ANKRD30A: variants seen among roughly 807,000 people sequenced by gnomAD.
ANKRD30A encodes the protein ankyrin repeat domain-containing protein 30A.
A neutral mutation model predicts 166.3 loss-of-function variants in ANKRD30A; 170 were observed. The observed-to-expected ratio is 1.02, with a 90% CI of 0.90 to 1.16. The LOEUF is 1.16. Among genes scored for constraint, ANKRD30A ranks in the 50% most tolerant of loss-of-function variants. The pLI is 0.00. For missense variants in ANKRD30A, 1,630 were observed against 1,518.0 expected (o/e 1.07, Z -1.23); for synonymous variants, 564 against 508.9 (o/e 1.11, Z -1.46).
chr10:37,214,714 A>G (rs1401136561), intron 31 of ANKRD30A, among the ~76,000 whole-genome samples: 6 of 151,246 alleles, frequency 4.0e-5, no homozygotes, highest in African/African-American at 1.5e-4. Flanking sequence ...GATTTACCTC[A>G]TCACAACCCA....
chr10:37,262,397 T>A, the ANKRD30A span: 1 of 153,640 alleles, frequency 6.5e-6, no homozygotes, highest in African/African-American at 2.4e-5. Context: ...AAAGCAGATC[T>A]GGAGTGGAGA....
chr10:37,231,836 T>G (rs1346577480), intron 35 of ANKRD30A, among the ~76,000 whole-genome samples, 156 bp downstream of exon 35: 7 of 152,086 alleles, frequency 4.6e-5, no homozygotes, highest in Admixed American at 4.6e-4. Flanking sequence ...TTTTACAATT[T>G]TCTAAAAGTC....
intron 27 of ANKRD30A, among the ~76,000 whole-genome samples, chr10:37,196,460 A>T (rs150370854): frequency 6.6e-6 from 1 of 152,206 alleles, no homozygotes; most frequent in East Asian, 1.9e-4. Context: ...CATTCCATAA[A>T]AATTTATTAT....
rs1835948753 is a variant in ANKRD30A at position 37,125,653 on chromosome 10, A to G, written c.-135A>G. On this transcript the variant is annotated 5_prime_UTR_variant, in exon 1 of 36. Transcript: ENST00000361713. ...GGCCTGAGTGTGCAAGAGCTTGGCG[A>G]ACACAGAACTTTTTACGGGTATCGA... The G allele has an allele frequency of 5.0e-6, 2 of 398,602 alleles. No individual in the cohort carries two copies. The highest frequency in any genetic ancestry group is 9.4e-5 in the East Asian group (2 of 21,170). 24.7% of individuals were successfully genotyped at this position (398,602 alleles called of 1,614,324 possible).
intron 34 of ANKRD30A, among the ~76,000 whole-genome samples, chr10:37,224,506 C>CAT (rs923275743): frequency 6.7e-6 from 1 of 150,068 alleles, no homozygotes; most frequent in Non-Finnish European, 1.5e-5. Flanking sequence ...TATGTATATA[C>CAT]ATATATATGT....
intron 17 of ANKRD30A, 125 bp downstream of exon 17, chr10:37,162,973 A>C (rs1416741345): frequency 8.3e-7 from 1 of 1,208,648 alleles, no homozygotes. Context: ...GATAATGCCA[A>C]TACTGGTATT....
intron 11 of ANKRD30A, 35 bp from the exon 12 acceptor site, chr10:37,152,025 T>A: frequency 1.3e-6 from 2 of 1,542,578 alleles, no homozygotes; most frequent in Non-Finnish European, 1.8e-6. Flanking sequence ...TAGAGAAATG[T>A]TGTCATGAAT....
chr10:37,154,287 A>G (rs1239310567), intron 13 of ANKRD30A, among the ~76,000 whole-genome samples: 1 of 152,220 alleles, frequency 6.6e-6, no homozygotes, highest in Non-Finnish European at 1.5e-5. Context: ...AGAAGTTTTC[A>G]AACTTTAGAA....
At chr10:37,243,244 C>G in the ANKRD30A span, among the ~76,000 whole-genome samples, 1 of 151,000 alleles carries the variant, frequency 6.6e-6, no homozygotes. Context: ...ACGCCATTCT[C>G]CTGCCTCAGC....
intron 19 of ANKRD30A, among the ~76,000 whole-genome samples, chr10:37,167,528 T>G (rs1484986081): frequency 1.3e-5 from 2 of 151,676 alleles, no homozygotes; most frequent in Non-Finnish European, 2.9e-5. Flanking sequence ...TTCGTAGGTA[T>G]TTTACTGATT....
Position 37,159,977 on chromosome 10 carries a change from G to A in ANKRD30A, c.1900+1391G>A, listed in dbSNP as rs181591980. On this transcript the variant is annotated intron_variant, in intron 15 of 35. Coordinates refer to ENST00000361713, the MANE Select transcript of ANKRD30A (RefSeq NM_052997.3). ...GCCTCCCAAAGTACTGGAATTACAG[G>A]CGTGAGGCACCGTGCCCGGCCGATG... Among the ~76,000 whole-genome samples, 781 of 152,274 alleles carry A rather than the reference G, an allele frequency of 5.1e-3. 11 individuals are homozygous for A. The highest frequency in any genetic ancestry group is 0.018 in the African/African-American group (731 of 41,548).
chr10:37,249,118 G>A, the ANKRD30A span, among the ~76,000 whole-genome samples: 1 of 152,172 alleles, frequency 6.6e-6, no homozygotes, highest in Admixed American at 6.5e-5. Flanking sequence ...CTCAGTGAGA[G>A]AACAGTCTCT....
At chr10:37,190,419 G>T (rs781680249) in intron 25 of ANKRD30A, among the ~76,000 whole-genome samples, 1 of 151,704 alleles carries the variant, frequency 6.6e-6, no homozygotes, top group East Asian at 1.9e-4. Flanking sequence ...TAATTTTGAG[G>T]ATGTTTTTAG....
intron 27 of ANKRD30A, 81 bp downstream of exon 27, chr10:37,193,339 T>A (rs1234605760): frequency 2.2e-5 from 32 of 1,443,114 alleles, no homozygotes; most frequent in Non-Finnish European, 2.7e-5. Flanking sequence ...TCATTCCCAA[T>A]GTTGTTTTCT....
intron 32 of ANKRD30A, among the ~76,000 whole-genome samples, chr10:37,217,072 C>T (rs1842640457): frequency 6.6e-6 from 1 of 150,804 alleles, no homozygotes; most frequent in African/African-American, 2.4e-5. Context: ...ATATTATATT[C>T]TGTCTTGTTC....
chr10:37,247,589 A>T, the ANKRD30A span, among the ~76,000 whole-genome samples: 1 of 151,738 alleles, frequency 6.6e-6, no homozygotes, highest in African/African-American at 2.4e-5. Context: ...AAAAATAACT[A>T]GGCCGGGCAC....
intron 11 of ANKRD30A, among the ~76,000 whole-genome samples, chr10:37,151,363 T>C (rs900353612): frequency 4.6e-5 from 7 of 152,098 alleles, no homozygotes; most frequent in African/African-American, 1.7e-4. Flanking sequence ...GGCAATTATA[T>C]TTTCCTATAC....
intron 34 of ANKRD30A, among the ~76,000 whole-genome samples, chr10:37,226,809 T>C (rs531060909): frequency 6.6e-6 from 1 of 151,084 alleles, no homozygotes; most frequent in Non-Finnish European, 1.5e-5. Context: ...TCATTAGCAG[T>C]ATGAGGGTTC....
chr10:37,142,184 A>T lies in ANKRD30A; in HGVS notation c.1287A>T (p.Gly429=). 1 of 1,614,026 alleles carries T rather than the reference A, an allele frequency of 6.2e-7. No homozygotes were observed. Among genetic ancestry groups the T allele is most frequent in the Non-Finnish European group, 8.5e-7 (1 of 1,180,018 alleles). The change falls in exon 7 of 36, where the codon GGA becomes GGT. Residue 429 remains glycine (G), a synonymous_variant. Coordinates refer to ENST00000361713, the MANE Select transcript of ANKRD30A (RefSeq NM_052997.3). The part of the protein sequence containing the change: ...WEKKETPVKT[G]CVARVTSNKT... ...AAAAAGAAACACCTGTAAAGACTGGATGCGTGGCAAGAGTAACATCTAATA... is the reference window on the plus strand; with the variant it reads ...AAAAAGAAACACCTGTAAAGACTGGTTGCGTGGCAAGAGTAACATCTAATA...
Sources: gnomAD v4.1 joint callset for allele counts (sites outside exome capture counted in the v4.1 genomes callset) on GRCh38, gnomAD v4.1.1 for gene constraint, MANE v1.5 for transcripts, NCBI Gene and HGNC (gene_info 2026-07-23, HGNC 2026-07-21) for gene names.